Variants in ADRA1B observed in about 807,000 individuals in gnomAD.
ADRA1B encodes the protein adrenoceptor alpha 1B.
ADRA1B carries 17 observed loss-of-function variants against 17.9 expected under a neutral mutation model. The observed-to-expected ratio is 0.95, with a 90% CI of 0.65 to 1.42. The LOEUF (loss-of-function observed/expected upper bound fraction) is 1.42. ADRA1B is among the 40% of genes most tolerant of loss of function. The pLI, the probability that ADRA1B is intolerant of heterozygous loss-of-function variation, is 0.00. For missense variants in ADRA1B, 681 were observed against 722.1 expected (o/e 0.94, Z 0.65); for synonymous variants, 366 against 327.6 (o/e 1.12, Z -1.27).
intron 1 of ADRA1B, among the ~76,000 whole-genome samples, chr5:159,897,494 A>G (rs1754051894): frequency 1.3e-5 from 2 of 152,204 alleles, no homozygotes; most frequent in East Asian, 1.9e-4. Context: ...TAAAAAAAAA[A>G]AAGAAAAAAG....
At chr5:159,890,116 A>G (rs1296214181) in intron 1 of ADRA1B, among the ~76,000 whole-genome samples, 1 of 152,184 alleles carries the variant, frequency 6.6e-6, no homozygotes, top group Non-Finnish European at 1.5e-5. Context: ...GTCCGGCTCC[A>G]AACCTAGTAG....
intron 1 of ADRA1B, among the ~76,000 whole-genome samples, chr5:159,867,249 A>G (rs1209680473): frequency 6.6e-6 from 1 of 152,074 alleles, no homozygotes; most frequent in Non-Finnish European, 1.5e-5. Flanking sequence ...TCCTCAAGAC[A>G]TTTGCATTTT....
intron 1 of ADRA1B, chr5:159,869,279 C>T (rs1237489800): frequency 6.6e-6 from 1 of 152,154 alleles, no homozygotes; most frequent in African/African-American, 2.4e-5. Flanking sequence ...CTCAGTTTAA[C>T]AGGTATAGCA....
At chr5:159,939,368 G>A (rs1755063104) in intron 1 of ADRA1B, among the ~76,000 whole-genome samples, 1 of 149,232 alleles carries the variant, frequency 6.7e-6, no homozygotes, top group African/African-American at 2.5e-5. Flanking sequence ...TCAGCCCAAG[G>A]TAAATTGCTG....
chr5:159,933,174 G>A (rs1381312191), intron 1 of ADRA1B, among the ~76,000 whole-genome samples: 2 of 152,158 alleles, frequency 1.3e-5, no homozygotes, highest in Non-Finnish European at 2.9e-5. Context: ...TTGTGAATGA[G>A]GTTAAGCATC....
At chr5:159,924,263 T>C (rs1431280587) in intron 1 of ADRA1B, among the ~76,000 whole-genome samples, 1 of 151,970 alleles carries the variant, frequency 6.6e-6, no homozygotes, top group Non-Finnish European at 1.5e-5. Flanking sequence ...TGGTAATTAG[T>C]GGCAATAGTG....
At chr5:159,945,840 C>A (rs554299224) in intron 1 of ADRA1B, among the ~76,000 whole-genome samples, 18 of 151,806 alleles carry the variant, frequency 1.2e-4, no homozygotes, top group Admixed American at 2.6e-4. Flanking sequence ...CTCCGCCTCC[C>A]GGGTTGACGC....
chr5:159,899,263 AAAGGAAGG>A (rs199633101), intron 1 of ADRA1B, among the ~76,000 whole-genome samples: 1,089 of 106,396 alleles, frequency 0.01, 7 homozygotes, highest in South Asian at 0.018. Flanking sequence ...AGGAAGGAAG[AAAGGAAGG>A]AAGGAAGGAA....
At chr5:159,880,655 G>A (rs571608048) in intron 1 of ADRA1B, among the ~76,000 whole-genome samples, 14 of 152,274 alleles carry the variant, frequency 9.2e-5, no homozygotes, top group African/African-American at 3.1e-4. Flanking sequence ...CTGCTAGCAA[G>A]CTCTCTTCTA....
intron 1 of ADRA1B, among the ~76,000 whole-genome samples, chr5:159,906,868 C>T (rs1165608692): frequency 6.6e-6 from 1 of 152,158 alleles, no homozygotes; most frequent in East Asian, 1.9e-4. Context: ...TTCTTTTCCA[C>T]TTAGTCCCTG....
chr5:159,876,045 C>T (rs1013344867), intron 1 of ADRA1B, among the ~76,000 whole-genome samples: 6 of 145,582 alleles, frequency 4.1e-5, no homozygotes, highest in Admixed American at 4.0e-4. Context: ...AAAAATTAAG[C>T]AGAAATGGTG....
intron 1 of ADRA1B, among the ~76,000 whole-genome samples, chr5:159,900,000 T>G (rs887163634): frequency 1.3e-5 from 2 of 152,154 alleles, no homozygotes; most frequent in African/African-American, 4.8e-5. Context: ...TTGATAAAGG[T>G]GATATTTCCT....
At chr5:159,926,481 A>C (rs1754655438) in intron 1 of ADRA1B, among the ~76,000 whole-genome samples, 3 of 152,162 alleles carry the variant, frequency 2.0e-5, no homozygotes, top group Admixed American at 2.0e-4. Flanking sequence ...TAGTAAACTC[A>C]ATAAAAATAG....
At chr5:159,886,686 C>T (rs1490007353) in intron 1 of ADRA1B, among the ~76,000 whole-genome samples, 3 of 152,152 alleles carry the variant, frequency 2.0e-5, no homozygotes, top group African/African-American at 4.8e-5. Context: ...GCAATGTCAT[C>T]ACGCTAATAT....
At chr5:159,955,852 C>CT (rs1300986753) in intron 1 of ADRA1B, among the ~76,000 whole-genome samples, 1 of 152,216 alleles carries the variant, frequency 6.6e-6, no homozygotes, top group East Asian at 1.9e-4. Context: ...CTACCAGCTA[C>CT]TAGCCCTCTT....
chr5:159,952,536 G>C (rs778070306), intron 1 of ADRA1B, among the ~76,000 whole-genome samples: 4 of 152,138 alleles, frequency 2.6e-5, no homozygotes, highest in Non-Finnish European at 2.9e-5. Flanking sequence ...GCAGCACATG[G>C]GAGAGCAGGA....
At chr5:159,962,837 A>G (rs374310551) in intron 1 of ADRA1B, among the ~76,000 whole-genome samples, 1 of 43,018 alleles carries the variant, frequency 2.3e-5, no homozygotes, top group Non-Finnish European at 4.6e-5. Context: ...ACACCTGGCT[A>G]TTTTTTTTTT....
In ADRA1B at chr5:159,917,663, TGAG is replaced by T; in HGVS notation, c.761_763del (p.Arg254del). On this transcript the variant is annotated inframe_deletion, in exon 1 of 2. Transcript: ENST00000306675. ...ATGTCCAACTCCAAGGAGCTGACCC[TGAG>T]GATCCATTCCAAGAACTTTCACGAG... The T allele has an allele frequency of 6.2e-7, 1 of 1,613,352 alleles. No homozygotes were observed. The highest frequency in any genetic ancestry group is 8.5e-7 in the Non-Finnish European group (1 of 1,179,912).
At chr5:159,976,564 G>A (rs1484285105), downstream of ADRA1B, among the ~76,000 whole-genome samples, 1 of 151,746 alleles carries the variant, frequency 6.6e-6, no homozygotes, top group Admixed American at 6.6e-5. Flanking sequence ...CTACTCGGGA[G>A]GCTAAGGCAG....
Sources: allele counts gnomAD v4.1 joint callset (sites outside exome capture counted in the v4.1 genomes callset), GRCh38; gene constraint gnomAD v4.1.1; transcripts MANE v1.5; gene names NCBI Gene and HGNC (gene_info 2026-07-23, HGNC 2026-07-21).